The following NRG4 variants were observed in gnomAD, a reference collection of about 807,000 sequenced individuals.
The protein encoded by NRG4 is neuregulin 4.
A neutral mutation model predicts 15.0 loss-of-function variants in NRG4; 10 were observed. That is an observed-to-expected ratio of 0.67 (90% CI 0.41 to 1.13). NRG4 has a LOEUF of 1.13. Among genes scored for constraint, NRG4 ranks in the 50% most tolerant of loss-of-function variants. The probability of loss-of-function intolerance (pLI) is 0.00; values close to 1 mark genes in which losing one functional copy is unlikely to be tolerated. For missense variants in NRG4, 139 were observed against 140.2 expected (o/e 0.99, Z 0.04); for synonymous variants, 41 against 50.1 (o/e 0.82, Z 0.77).
At chr15:76,000,151 T>G (rs2034358350) in intron 3 of NRG4, among the ~76,000 whole-genome samples, 1 of 152,158 alleles carries the variant, frequency 6.6e-6, no homozygotes, top group African/African-American at 2.4e-5. Flanking sequence ...CCTAAAGTGT[T>G]GGGATTACAG....
chr15:75,958,936 AT>A, intron 4 of NRG4: 1 of 184,034 alleles, frequency 5.4e-6, no homozygotes, highest in Non-Finnish European at 1.2e-5. Context: ...AAGGAATTTC[AT>A]TTTGGGGCAA....
chr15:75,935,424 C>T (rs2141730170), downstream of NRG4: 1 of 152,210 alleles, frequency 6.6e-6, no homozygotes, highest in South Asian at 2.1e-4. Context: ...TTAATCAAGA[C>T]ATTTAAAAAT....
At chr15:75,960,290 T>C (rs180888745) in intron 4 of NRG4, among the ~76,000 whole-genome samples, 76 of 152,344 alleles carry the variant, frequency 5.0e-4, no homozygotes, top group Non-Finnish European at 7.5e-4. Context: ...TAGATCATTA[T>C]TCAGCTTTCC....
rs1325727772 is a variant in NRG4 at position 75,979,369 on chromosome 15, T to C, written c.105-17395A>G. Among the ~76,000 whole-genome samples the C allele has an allele frequency of 5.9e-5, 9 of 152,282 alleles. No homozygotes were observed. The South Asian group carries it at 8.3e-4, about 14-fold the overall frequency. On this transcript the variant is annotated intron_variant, in intron 3 of 5. Transcript: ENST00000394907. ...CTGTTCTTTTCTTATCTCCAATCCA[T>C]TGGGTGGATTTTGACCTCTCTTTTT...
chr15:75,955,792 CAAAAAA>C, intron 5 of NRG4, 134 bp downstream of exon 5: 3 of 300,640 alleles, frequency 1.0e-5, no homozygotes, highest in Non-Finnish European at 1.2e-5. Flanking sequence ...GGTACCTGGC[CAAAAAA>C]AAAAAAAAAA....
chr15:76,051,291 C>T (rs979875100), intron 4 of NRG4, among the ~76,000 whole-genome samples: 2 of 150,226 alleles, frequency 1.3e-5, no homozygotes, highest in Non-Finnish European at 2.9e-5. Context: ...AGGCGTGAGC[C>T]ACCGCGCCCG....
At chr15:76,017,077 T>C (rs571407884), upstream of NRG4, among the ~76,000 whole-genome samples, 3 of 152,172 alleles carry the variant, frequency 2.0e-5, no homozygotes, top group East Asian at 3.9e-4. Flanking sequence ...TACCATTATG[T>C]AATGCCCTTC....
upstream of NRG4, among the ~76,000 whole-genome samples, chr15:76,016,629 C>G (rs2034988268): frequency 6.6e-6 from 1 of 152,172 alleles, no homozygotes; most frequent in Non-Finnish European, 1.5e-5. Flanking sequence ...TGTTCAGTTT[C>G]CATGTACTTG....
chr15:75,992,062 T>C (rs528494325), intron 3 of NRG4, among the ~76,000 whole-genome samples: 1 of 152,298 alleles, frequency 6.6e-6, no homozygotes, highest in Non-Finnish European at 1.5e-5. Flanking sequence ...GTACACATTC[T>C]GAACTGCACA....
intron 3 of NRG4, among the ~76,000 whole-genome samples, chr15:75,984,067 A>G (rs1200738400): frequency 6.6e-6 from 1 of 152,240 alleles, no homozygotes; most frequent in Non-Finnish European, 1.5e-5. Context: ...CAGGCAGAGC[A>G]CAGAGGATTT....
intron 4 of NRG4, 151 bp downstream of exon 4, chr15:75,961,677 A>G (rs2032527010): frequency 3.4e-6 from 2 of 584,386 alleles, no homozygotes; most frequent in South Asian, 5.5e-5. Context: ...TCTTTCAAAA[A>G]TGAAATTAGT....
chr15:76,016,931 A>G (rs955892096), upstream of NRG4, among the ~76,000 whole-genome samples: 15 of 152,110 alleles, frequency 9.9e-5, no homozygotes, highest in African/African-American at 3.4e-4. Context: ...GGGGTGTTAA[A>G]GTTTCCCACT....
chr15:76,033,941 T>C (rs944754001), intron 5 of NRG4, among the ~76,000 whole-genome samples: 1 of 152,154 alleles, frequency 6.6e-6, no homozygotes, highest in African/African-American at 2.4e-5. Context: ...ATGGTGAAAA[T>C]AAGGAATAGA....
At chr15:75,971,222 T>C (rs1213908636) in intron 3 of NRG4, 2 of 455,836 alleles carry the variant, frequency 4.4e-6, no homozygotes, top group East Asian at 1.4e-4. Context: ...CATCTATTGG[T>C]TCCCTCATTA....
intron 3 of NRG4, among the ~76,000 whole-genome samples, chr15:75,997,911 T>C (rs993610696): frequency 2.6e-5 from 4 of 152,190 alleles, no homozygotes; most frequent in Admixed American, 6.5e-5. Context: ...AGTCTAACTG[T>C]ATGTGAGGCT....
chr15:76,020,872 A>T (rs2035129804), intron 5 of NRG4, among the ~76,000 whole-genome samples: 1 of 152,252 alleles, frequency 6.6e-6, no homozygotes, highest in South Asian at 2.1e-4. Context: ...ATAACATAAA[A>T]GTGCAAGGTA....
In NRG4 at chr15:76,045,724, T is replaced by C. The variant is rs529220996; in HGVS notation, c.-105+6343A>G. 1.3e-4 allele frequency among the ~76,000 whole-genome samples: 19 copies of C among 150,682 alleles called. 1 individual carries two copies. In the South Asian group the frequency reaches 1.7e-3, roughly 13 times the overall value. Reference sequence around the variant, plus strand: ...TCACTTATTTGTGGGAGCTAAAAATTAAAATAATTTAACTAATGGAGGTAG... The same window carrying C: ...TCACTTATTTGTGGGAGCTAAAAATCAAAATAATTTAACTAATGGAGGTAG... On this transcript the variant is annotated intron_variant, in intron 4 of 8. Coordinates refer to the NRG4 transcript ENST00000563910.
chr15:76,020,036 A>T (rs1004878785), intron 5 of NRG4, among the ~76,000 whole-genome samples: 3 of 152,052 alleles, frequency 2.0e-5, no homozygotes, highest in Admixed American at 6.6e-5. Flanking sequence ...CTTTTTCATT[A>T]TTATTCTATC....
chr15:75,982,690 G>A (rs1015111902), intron 3 of NRG4, among the ~76,000 whole-genome samples: 1 of 152,348 alleles, frequency 6.6e-6, no homozygotes, highest in African/African-American at 2.4e-5. Context: ...AAGCCACCTA[G>A]TGAGTACAGC....
Sources: allele counts gnomAD v4.1 joint callset (sites outside exome capture counted in the v4.1 genomes callset), GRCh38; gene constraint gnomAD v4.1.1; transcripts MANE v1.5; gene names NCBI Gene and HGNC (gene_info 2026-07-23, HGNC 2026-07-21).